Variants in GCNT2 observed in about 807,000 individuals in gnomAD.
GCNT2 encodes N-acetyllactosaminide beta-1,6-N-acetylglucosaminyl-transferase.
In GCNT2, 34 loss-of-function variants were observed where a neutral mutation model predicts 34.2. That is an observed-to-expected ratio of 1.00 (90% CI 0.76 to 1.32). The LOEUF is 1.32. Ranked by LOEUF, GCNT2 falls within the 40% of genes most tolerant of loss-of-function variation. The pLI, the probability that GCNT2 is intolerant of heterozygous loss-of-function variation, is 0.00. For missense variants in GCNT2, 584 were observed against 489.4 expected, an observed-to-expected ratio of 1.19 and a Z score of -1.82; for synonymous variants, 212 against 188.0, an observed-to-expected ratio of 1.13 and a Z score of -1.04.
chr6:10,533,509 C>G (rs755411712), intron 3 of GCNT2, among the ~76,000 whole-genome samples: 1 of 151,680 alleles, frequency 6.6e-6, no homozygotes, highest in Non-Finnish European at 1.5e-5. Flanking sequence ...TATTTTATGC[C>G]AGGTGTGGTG....
At chr6:10,525,345 C>G (rs1475877744) in intron 1 of GCNT2, among the ~76,000 whole-genome samples, 1 of 152,054 alleles carries the variant, frequency 6.6e-6, no homozygotes, top group Non-Finnish European at 1.5e-5. Context: ...TTTATTTATC[C>G]CACCTGATCA....
In GCNT2 at chr6:10,529,584, G is replaced by C; in HGVS notation, c.673G>C (p.Ala225Pro). The C allele has an allele frequency of 8.1e-6, 13 of 1,614,056 alleles. No homozygotes were observed. Among genetic ancestry groups the C allele is most frequent in the Non-Finnish European group, 1.1e-5 (13 of 1,179,946 alleles). Residue 225 changes from alanine to proline, a missense_variant, in exon 3 of 5, where the codon GCT becomes CCT. Coordinates refer to ENST00000495262, the MANE Select transcript of GCNT2 (RefSeq NM_145649.5). Reference protein sequence around the residue: ...ITPGVLPPDHAVGRTKYVHQE... With the variant: ...ITPGVLPPDHPVGRTKYVHQE... Reference sequence around the variant, plus strand: ...CCCCGGAGTGCTGCCTCCTGACCACGCTGTTGGACGGACTAAATACGTCCA... The same window carrying C: ...CCCCGGAGTGCTGCCTCCTGACCACCCTGTTGGACGGACTAAATACGTCCA...
chr6:10,581,784 C>T (rs1441256648), intron 3 of GCNT2: 1 of 985,052 alleles, frequency 1.0e-6, no homozygotes, highest in Non-Finnish European at 1.2e-6. Context: ...CCTCTCTTTT[C>T]TCACTCCAAC....
chr6:10,553,045 A>G (rs1387309233), intron 3 of GCNT2, among the ~76,000 whole-genome samples: 1 of 152,120 alleles, frequency 6.6e-6, no homozygotes, highest in Non-Finnish European at 1.5e-5. Context: ...TCAACTTTAC[A>G]TGTCTAGTGT....
chr6:10,574,232 G>A (rs971245167), intron 3 of GCNT2, among the ~76,000 whole-genome samples: 42 of 152,132 alleles, frequency 2.8e-4, no homozygotes, highest in Non-Finnish European at 1.3e-4. Context: ...GCCAAGAGAA[G>A]CTTGTCCACT....
intron 3 of GCNT2, among the ~76,000 whole-genome samples, chr6:10,552,154 T>C (rs953472677): frequency 1.3e-5 from 2 of 152,174 alleles, no homozygotes; most frequent in South Asian, 2.1e-4. Context: ...AGTAAAATGA[T>C]TGGGCCCCCG....
In GCNT2 at chr6:10,528,918, G is replaced by A; in HGVS notation, c.7G>A (p.Gly3Ser). Reference sequence around the variant, plus strand: ...ACTCATTTCCTGGTTGTGAATGATGGGCTCTTGGAAGCACTGTCTTTTTAG... The same window carrying A: ...ACTCATTTCCTGGTTGTGAATGATGAGCTCTTGGAAGCACTGTCTTTTTAG... MM[G>S]SWKHCLFSAS... Residue 3 changes from glycine to serine, a missense_variant, in exon 3 of 5, where the codon GGC becomes AGC. By Grantham distance (56) the Gly-to-Ser change is moderately conservative. Transcript: ENST00000495262. 19 of 1,611,936 alleles carry A rather than the reference G, an allele frequency of 1.2e-5. No individual in the cohort carries two copies. The highest frequency in any genetic ancestry group is 1.6e-5 in the Non-Finnish European group (19 of 1,178,172).
intron 3 of GCNT2, among the ~76,000 whole-genome samples, chr6:10,540,146 A>AG (rs1488369281): frequency 2.0e-5 from 3 of 151,836 alleles, no homozygotes; most frequent in Admixed American, 2.0e-4. Context: ...GAAGGAAGAG[A>AG]GGGAGAGAGG....
At chr6:10,580,435 C>T (rs596145) in intron 3 of GCNT2, among the ~76,000 whole-genome samples, 24,367 of 152,090 alleles carry the variant, frequency 0.16, 4,039 homozygotes, top group African/African-American at 0.42. Context: ...TGCCTGAATC[C>T]GTCCTACAAT....
chr6:10,593,164 A>G (rs1318480867), intron 3 of GCNT2, among the ~76,000 whole-genome samples: 1 of 152,240 alleles, frequency 6.6e-6, no homozygotes, highest in East Asian at 1.9e-4. Flanking sequence ...AAGTACAATC[A>G]TGATTGGTAA....
intron 3 of GCNT2, among the ~76,000 whole-genome samples, chr6:10,617,287 G>C (rs1765816012): frequency 6.6e-6 from 1 of 152,198 alleles, no homozygotes; most frequent in Non-Finnish European, 1.5e-5. Context: ...GCCCCGGGCG[G>C]CGGGGCCGGC....
chr6:10,551,419 T>A (rs967473361), intron 3 of GCNT2, among the ~76,000 whole-genome samples: 1 of 149,378 alleles, frequency 6.7e-6, no homozygotes, highest in Non-Finnish European at 1.5e-5. Context: ...TTTTATTTTT[T>A]AATTTTTATT....
chr6:10,605,021 C>A (rs1321294984), intron 3 of GCNT2, among the ~76,000 whole-genome samples: 1 of 151,086 alleles, frequency 6.6e-6, no homozygotes, highest in Non-Finnish European at 1.5e-5. Context: ...TGGTGCATAC[C>A]TGTGGTCCCA....
chr6:10,564,852 GAC>G (rs1763206538), intron 3 of GCNT2, among the ~76,000 whole-genome samples: 1 of 152,214 alleles, frequency 6.6e-6, no homozygotes, highest in Admixed American at 6.5e-5. Flanking sequence ...TAGTGAATGA[GAC>G]ACATAAGGCC....
chr6:10,521,863 A>C (rs1388467771), intron 1 of GCNT2, among the ~76,000 whole-genome samples: 4 of 151,924 alleles, frequency 2.6e-5, no homozygotes, highest in African/African-American at 9.7e-5. Flanking sequence ...AAATGTTTCC[A>C]GAATTTGATA....
At chr6:10,623,535 C>G (rs28622543) in intron 4 of GCNT2, among the ~76,000 whole-genome samples, 2,190 of 152,184 alleles carry the variant, frequency 0.014, 42 homozygotes, top group African/African-American at 0.049. Flanking sequence ...TATGATCCAC[C>G]TGCGTCGGCC....
chr6:10,527,151 C>T (rs755834572), intron 1 of GCNT2, among the ~76,000 whole-genome samples: 12 of 152,084 alleles, frequency 7.9e-5, no homozygotes, highest in Admixed American at 2.0e-4. Flanking sequence ...GTTGATTGTG[C>T]GGTGGCTCGC....
At chr6:10,626,367 T>C in intron 4 of GCNT2, 50 bp from the exon 5 acceptor site, 1 of 1,364,892 alleles carries the variant, frequency 7.3e-7, no homozygotes, top group South Asian at 1.2e-5. Context: ...TTCATCACCC[T>C]TTTGAAAGCA....
chr6:10,534,562 T>G (rs546833447), intron 3 of GCNT2, among the ~76,000 whole-genome samples: 147 of 152,196 alleles, frequency 9.7e-4, no homozygotes, highest in Non-Finnish European at 9.9e-4. Context: ...ACACCACCTC[T>G]CAGGCTGCGG....
Sources: allele counts gnomAD v4.1 joint callset (sites outside exome capture counted in the v4.1 genomes callset), GRCh38; gene constraint gnomAD v4.1.1; transcripts MANE v1.5; gene names NCBI Gene and HGNC (gene_info 2026-07-23, HGNC 2026-07-21).